The following LILRB1 variants were observed in gnomAD, a reference collection of about 807,000 sequenced individuals.
LILRB1 encodes leukocyte immunoglobulin-like receptor subfamily B member 1.
Under a neutral mutation model 74.6 loss-of-function variants are expected in LILRB1, and 59 were observed. The observed-to-expected ratio is 0.79, with a 90% CI of 0.64 to 0.98. The LOEUF (loss-of-function observed/expected upper bound fraction) is 0.98, where lower values mean the gene tolerates loss of function less well. Among genes scored for constraint, LILRB1 ranks in the 50% least tolerant of loss-of-function variants. The probability of loss-of-function intolerance (pLI) is 0.00; values close to 1 mark genes in which losing one functional copy is unlikely to be tolerated. For missense variants in LILRB1, 804 were observed against 822.6 expected (o/e 0.98, Z 0.28); for synonymous variants, 328 against 333.9 (o/e 0.98, Z 0.19).
intron 10 of LILRB1, 154 bp from the exon 11 acceptor site, chr19:54,634,950 T>A (rs1358568123): frequency 6.9e-6 from 10 of 1,444,242 alleles, no homozygotes; most frequent in East Asian, 4.6e-5. Context: ...CATCTACAAA[T>A]GTAAAGTGTC....
intron 1 of LILRB1, among the ~76,000 whole-genome samples, chr19:54,622,648 G>A (rs1363033323): frequency 6.6e-6 from 1 of 152,180 alleles, no homozygotes; most frequent in African/African-American, 2.4e-5. Flanking sequence ...CTTTTCCAAT[G>A]TGGATGCACT....
At chr19:54,624,994 G>A (rs924764521) in intron 1 of LILRB1, among the ~76,000 whole-genome samples, 3 of 115,336 alleles carry the variant, frequency 2.6e-5, no homozygotes, top group African/African-American at 8.2e-5. Flanking sequence ...TGAGGCACAG[G>A]GCCCGCTCAC....
upstream of LILRB1, among the ~76,000 whole-genome samples, chr19:54,628,006 A>C (rs116365909): frequency 2.9e-3 from 445 of 152,336 alleles, 5 homozygotes; most frequent in African/African-American, 0.01. Flanking sequence ...ACAAAACAAA[A>C]GAGACAGGGT....
In LILRB1 at chr19:54,633,884, A is replaced by G. The variant is rs148276432; in HGVS notation, c.1313-87A>G. 16,601 of 1,517,256 alleles carry G rather than the reference A, an allele frequency of 0.011. 1,254 individuals carry two copies. The African/African-American group carries it at 0.18, about 16-fold the overall frequency. 94.0% of individuals were successfully genotyped at this position (1,517,256 alleles called of 1,614,324 possible). On this transcript the variant is annotated intron_variant, in intron 8 of 14. Transcript: ENST00000324602. Reference sequence around the variant, plus strand: ...GGGTGGGGGGTCAAGGCAGAGAGAAATGTTGGGGCCCAGCCTGGGGGAGGA... The same window carrying G: ...GGGTGGGGGGTCAAGGCAGAGAGAAGTGTTGGGGCCCAGCCTGGGGGAGGA...
intron 6 of LILRB1, 54 bp from the exon 7 acceptor site, chr19:54,632,962 G>T: frequency 6.3e-7 from 1 of 1,581,710 alleles, no homozygotes; most frequent in Non-Finnish European, 8.6e-7. Context: ...ACCTGGGGAG[G>T]TGTCAGCTCA....
At chr19:54,630,198 C>A (rs1401427713), upstream of LILRB1, among the ~76,000 whole-genome samples, 1 of 152,118 alleles carries the variant, frequency 6.6e-6, no homozygotes, top group South Asian at 2.1e-4. Flanking sequence ...TGGATGATAA[C>A]CAGTCGTTGA....
At position 54,634,411 on chromosome 19, in the gene LILRB1, C is replaced by T. The variant is rs1193954184; in HGVS notation, c.1364-230C>T. ...AGGAACAAGGGCTGCAGGTCAGACTCCTGGGCTTCCTTCCCAGCTCTGCCG... is the reference window on the plus strand; with the variant it reads ...AGGAACAAGGGCTGCAGGTCAGACTTCTGGGCTTCCTTCCCAGCTCTGCCG... On this transcript the variant is annotated intron_variant, in intron 9 of 14. Coordinates refer to ENST00000324602, the MANE Select transcript of LILRB1 (RefSeq NM_001081637.3). 3 of 1,528,210 alleles carry T rather than the reference C, an allele frequency of 2.0e-6. No homozygotes were observed. The South Asian group carries it at 3.6e-5, about 18-fold the overall frequency. 94.7% of individuals were successfully genotyped at this position (1,528,210 alleles called of 1,614,324 possible).
upstream of LILRB1, among the ~76,000 whole-genome samples, chr19:54,628,989 T>C (rs1028473812): frequency 6.6e-6 from 1 of 152,202 alleles, no homozygotes; most frequent in African/African-American, 2.4e-5. Context: ...AACATCACAC[T>C]TCCCTCTCCG....
At chr19:54,632,963 T>G in intron 6 of LILRB1, 53 bp from the exon 7 acceptor site, 1 of 1,581,604 alleles carries the variant, frequency 6.3e-7, no homozygotes, top group Non-Finnish European at 8.6e-7. Flanking sequence ...CCTGGGGAGG[T>G]GTCAGCTCAG....
At position 54,632,463 on chromosome 19, in the gene LILRB1, G is replaced by C; in HGVS notation, c.662-1G>C. 2 of 1,598,132 alleles carry C rather than the reference G, an allele frequency of 1.3e-6. No individual in the cohort carries two copies. Among genetic ancestry groups the C allele is most frequent in the Non-Finnish European group, 1.7e-6 (2 of 1,170,002 alleles). Reference sequence around the variant, plus strand: ...TGGAAACCATGACCACCTTTTCCCAGGTGTTTCTAAGAAGCCATCACTCTC... The same window carrying C: ...TGGAAACCATGACCACCTTTTCCCACGTGTTTCTAAGAAGCCATCACTCTC... On this transcript the variant is annotated splice_acceptor_variant, in intron 5 of 14. Coordinates refer to ENST00000324602, the MANE Select transcript of LILRB1 (RefSeq NM_001081637.3). LOFTEE classifies it high-confidence loss of function.
chr19:54,634,235 C>T lies in LILRB1; in HGVS notation c.1363+214C>T, dbSNP rs1424450508. 9 of 1,498,810 alleles carry T rather than the reference C, an allele frequency of 6.0e-6. No individual in the cohort carries two copies. In the Middle Eastern group the frequency reaches 7.3e-4, roughly 121 times the overall value. The allele number at this position is 1,498,810 out of a possible 1,614,324, so 92.8% of individuals were successfully genotyped here. On this transcript the variant is annotated intron_variant, in intron 9 of 14. Coordinates refer to ENST00000324602, the MANE Select transcript of LILRB1 (RefSeq NM_001081637.3). ...GCTGTGACCTCCTGGGAGAGGAGGC[C>T]TCCCAGGGAACCTCCCAGACCCGAT...
rs1421234523 is a variant in LILRB1 at position 54,632,579 on chromosome 19, G to C, written c.777G>C (p.Lys259Asn). The C allele has an allele frequency of 1.2e-6, 2 of 1,614,146 alleles. No individual in the cohort carries two copies. The highest frequency in any genetic ancestry group is 1.7e-6 in the Non-Finnish European group (2 of 1,180,016). ...DAGYNRFVLY[K>N]DGERDFLQLA... ...GCTACAACAGATTTGTTCTGTATAA[G>C]GACGGGGAACGTGACTTCCTTCAGC... The change falls in exon 6 of 15, where the codon AAG (lysine) becomes AAC (asparagine). Residue 259 changes from lysine (K) to asparagine (N), a missense_variant. By Grantham distance (94) the Lys-to-Asn change is moderately conservative (BLOSUM62 0). Coordinates refer to ENST00000324602, the MANE Select transcript of LILRB1 (RefSeq NM_001081637.3).
Position 54,637,442 on chromosome 19 carries a change from T to G in LILRB1, c.*564T>G. The G allele has an allele frequency of 6.6e-6, 1 of 152,162 alleles. No individual in the cohort carries two copies. The highest frequency in any genetic ancestry group is 1.5e-5 in the Non-Finnish European group (1 of 68,888). The allele number at this position is 152,162 out of a possible 1,614,324, so 9.4% of individuals were successfully genotyped here. A position where few individuals can be genotyped will look rare whatever the true frequency, so the allele number is the denominator to read the frequency against. ...TGGGAGGCTGAGGCAGGAGAATCGC[T>G]TGAACCAGGGAGTCAGAGGTTTCAG... On this transcript the variant is annotated 3_prime_UTR_variant, in exon 15 of 15. Coordinates refer to ENST00000324602, the MANE Select transcript of LILRB1 (RefSeq NM_001081637.3).
At position 54,632,135 on chromosome 19, in the gene LILRB1, G is replaced by C. The variant is rs529461921; in HGVS notation, c.559G>C (p.Val187Leu). The C allele has an allele frequency of 6.2e-7, 1 of 1,614,220 alleles. No homozygotes were observed. Among genetic ancestry groups the C allele is most frequent in the Non-Finnish European group, 8.5e-7 (1 of 1,180,024 alleles). ...SSRAIFSVGP[V>L]SPSRRWWYRC... ...CCGCGCCATCTTCTCCGTGGGCCCC[G>C]TGAGCCCGAGTCGCAGGTGGTGGTA... Residue 187 changes from valine to leucine, a missense_variant, in exon 5 of 15, where the codon GTG becomes CTG. By Grantham distance (32) the Val-to-Leu change is conservative. Transcript: ENST00000324602.
chr19:54,629,523 C>T (rs966960034), upstream of LILRB1, among the ~76,000 whole-genome samples: 1 of 152,160 alleles, frequency 6.6e-6, no homozygotes, highest in Non-Finnish European at 1.5e-5. Context: ...GATCTATGAA[C>T]ACCCTGGTGT....
rs565939772 is a variant in LILRB1, at chr19:54,637,769, T to C, written c.*891T>C. On this transcript the variant is annotated 3_prime_UTR_variant, in exon 15 of 15. Coordinates refer to ENST00000324602, the MANE Select transcript of LILRB1 (RefSeq NM_001081637.3). The stretch of plus-strand genomic sequence containing the variant: ...AAGAAAGAGCAGGCATGCATTTCCA[T>C]ATGGGAGTGAGCCAGCAGACAGCCC... Among the ~76,000 whole-genome samples, 7 of 152,092 alleles carry C rather than the reference T, an allele frequency of 4.6e-5. No individual in the cohort carries two copies. Among genetic ancestry groups the C allele is most frequent in the South Asian group, 2.1e-4 (1 of 4,822 alleles).
In LILRB1 at chr19:54,637,199, A is replaced by T. The variant is rs2064516201; in HGVS notation, c.*321A>T. On this transcript the variant is annotated 3_prime_UTR_variant, in exon 15 of 15. Transcript: ENST00000324602. ...CCACGAATGAATGAATTAGGAAAGA[A>T]AAAAAGTAGGAAATGAATGATCTTG... 3.2e-6 allele frequency: 1 copy of T among 314,348 alleles called. No individual in the cohort carries two copies. The allele number at this position is 314,348 out of a possible 1,614,324, so 19.5% of individuals were successfully genotyped here.
intron 13 of LILRB1, 192 bp downstream of exon 13, chr19:54,635,801 G>C (rs193270867): frequency 5.4e-4 from 408 of 750,404 alleles, no homozygotes; most frequent in Non-Finnish European, 8.4e-4. Flanking sequence ...GCCTCCTCCC[G>C]GGTCCCCTTC....
In LILRB1 at chr19:54,635,605, C is replaced by A. The variant is rs748996182; in HGVS notation, c.1649C>A (p.Thr550Asn). 249 of 1,613,904 alleles carry A rather than the reference C, an allele frequency of 1.5e-4. No homozygotes were observed. The highest frequency in any genetic ancestry group is 2.0e-4 in the Non-Finnish European group (236 of 1,179,998). Residue 550 changes from threonine (T) to asparagine (N), a missense_variant, in exon 13 of 15, where the codon ACT becomes AAT. Coordinates refer to ENST00000324602, the MANE Select transcript of LILRB1 (RefSeq NM_001081637.3). ...TQPEDGVEMD[T>N]RQSPHDEDPQ... is the part of the protein sequence containing the mutation. Reference sequence around the variant, plus strand: ...CCTGAGGATGGGGTGGAGATGGACACTCGGGTGAGACCCCACCCCTGTCCC... The same window carrying A: ...CCTGAGGATGGGGTGGAGATGGACAATCGGGTGAGACCCCACCCCTGTCCC...
Sources: allele counts gnomAD v4.1 joint callset (sites outside exome capture counted in the v4.1 genomes callset), GRCh38; gene constraint gnomAD v4.1.1; transcripts MANE v1.5; gene names NCBI Gene and HGNC (gene_info 2026-07-23, HGNC 2026-07-21).